Variants in ERBB4 observed in about 807,000 individuals in gnomAD.
ERBB4 encodes the protein erb-b2 receptor tyrosine kinase 4, also known as receptor tyrosine-protein kinase erbB-4.
In ERBB4, 42 loss-of-function variants were observed where a neutral mutation model predicts 158.0. That is an observed-to-expected ratio of 0.27 (90% confidence interval 0.21 to 0.34). ERBB4 has a LOEUF of 0.34. ERBB4 is among the 10% of genes least tolerant of loss of function. The pLI is 1.00. For missense variants in ERBB4, 1,333 were observed against 1,624.1 expected, an observed-to-expected ratio of 0.82 and a Z score of 3.08; for synonymous variants, 583 against 558.7, an observed-to-expected ratio of 1.04 and a Z score of -0.61.
In ERBB4 at chr2:212,348,804, C is replaced by T. The variant is rs182425654; in HGVS notation, c.82+189645G>A. Among the ~76,000 whole-genome samples the T allele has an allele frequency of 5.9e-5, 9 of 152,138 alleles. No individual in the cohort carries two copies. The East Asian group carries it at 9.7e-4, about 16-fold the overall frequency. ...CTAAGCAAAACCTGCTTTTAAAAAACGATTCAAAACCTGCTCATAATAAAA... is the reference window on the plus strand; with the variant it reads ...CTAAGCAAAACCTGCTTTTAAAAAATGATTCAAAACCTGCTCATAATAAAA... On this transcript the variant is annotated intron_variant, in intron 1 of 27. Transcript: ENST00000342788.
chr2:211,589,007 A>T (rs2068377905), intron 19 of ERBB4, among the ~76,000 whole-genome samples: 1 of 152,206 alleles, frequency 6.6e-6, no homozygotes, highest in African/African-American at 2.4e-5. Context: ...TGTGGAAAAT[A>T]CAAGAAGAAA....
intron 2 of ERBB4, among the ~76,000 whole-genome samples, chr2:211,990,572 G>C: frequency 6.6e-6 from 1 of 151,572 alleles, no homozygotes; most frequent in Non-Finnish European, 1.5e-5. Context: ...CATTCAGGCA[G>C]TTCCCAATTT....
At chr2:211,637,610 T>G (rs552039461) in intron 16 of ERBB4, among the ~76,000 whole-genome samples, 1 of 152,028 alleles carries the variant, frequency 6.6e-6, no homozygotes, top group East Asian at 1.9e-4. Flanking sequence ...TTTAAATCAT[T>G]TAGCTCCACT....
chr2:211,842,663 T>C (rs894979764), intron 3 of ERBB4, among the ~76,000 whole-genome samples: 1 of 152,020 alleles, frequency 6.6e-6, no homozygotes, highest in Non-Finnish European at 1.5e-5. Flanking sequence ...TCTTTGAAAT[T>C]AGAAATATCA....
chr2:212,027,958 A>G (rs1411497503), intron 2 of ERBB4, among the ~76,000 whole-genome samples: 1 of 152,134 alleles, frequency 6.6e-6, no homozygotes, highest in Non-Finnish European at 1.5e-5. Context: ...ACTCATAATC[A>G]TAAAAATCTA....
chr2:212,424,140 A>C (rs980439951), intron 1 of ERBB4, among the ~76,000 whole-genome samples: 2 of 152,112 alleles, frequency 1.3e-5, no homozygotes, highest in South Asian at 2.1e-4. Context: ...CCTTGGGGCT[A>C]ATACAAAGTT....
At chr2:212,235,094 T>C (rs904752699) in intron 1 of ERBB4, among the ~76,000 whole-genome samples, 1 of 152,124 alleles carries the variant, frequency 6.6e-6, no homozygotes, top group South Asian at 2.1e-4. Context: ...TCTTCTAGGG[T>C]TTTTATGGTT....
chr2:212,404,894 CAT>C (rs574647959), intron 1 of ERBB4, among the ~76,000 whole-genome samples: 32 of 152,200 alleles, frequency 2.1e-4, no homozygotes, highest in Admixed American at 1.2e-3. Flanking sequence ...TAAGTGAAAA[CAT>C]GTGGTATTTG....
intron 1 of ERBB4, among the ~76,000 whole-genome samples, chr2:212,307,040 T>C (rs573060630): frequency 6.6e-6 from 1 of 151,396 alleles, no homozygotes; most frequent in African/African-American, 2.4e-5. Flanking sequence ...CATTAAATTA[T>C]TGAGTAAGAG....
At chr2:211,594,503 C>T (rs2068574104) in intron 19 of ERBB4, among the ~76,000 whole-genome samples, 1 of 151,346 alleles carries the variant, frequency 6.6e-6, no homozygotes, top group African/African-American at 2.4e-5. Flanking sequence ...ATTTTGTAGA[C>T]CATTCAGAAA....
At chr2:212,323,955 C>T (rs892358937) in intron 1 of ERBB4, among the ~76,000 whole-genome samples, 3 of 150,564 alleles carry the variant, frequency 2.0e-5, no homozygotes, top group South Asian at 2.1e-4. Context: ...CCACACCTCA[C>T]GCCTTAGTTT....
intron 3 of ERBB4, among the ~76,000 whole-genome samples, chr2:211,945,574 C>G (rs1439144043): frequency 6.6e-6 from 1 of 152,028 alleles, no homozygotes; most frequent in East Asian, 1.9e-4. Flanking sequence ...CTCACAGCTT[C>G]TAGGCAAAGT....
At chr2:212,362,312 G>A (rs537717364) in intron 1 of ERBB4, among the ~76,000 whole-genome samples, 60 of 151,286 alleles carry the variant, frequency 4.0e-4, no homozygotes, top group African/African-American at 1.2e-3. Flanking sequence ...CCAAATTAGC[G>A]GCTAATTTTA....
intron 19 of ERBB4, among the ~76,000 whole-genome samples, chr2:211,604,480 G>A (rs769398365): frequency 6.8e-6 from 1 of 146,540 alleles, no homozygotes; most frequent in South Asian, 2.2e-4. Flanking sequence ...AAGGTCCCTT[G>A]TCCCTGAATA....
intron 1 of ERBB4, among the ~76,000 whole-genome samples, chr2:212,219,523 C>T (rs2083219597): frequency 6.6e-6 from 1 of 151,282 alleles, no homozygotes; most frequent in South Asian, 2.1e-4. Context: ...TCCAAACAGT[C>T]CAATTTTTGG....
intron 1 of ERBB4, among the ~76,000 whole-genome samples, chr2:212,164,454 A>G (rs561499277): frequency 1.3e-5 from 2 of 152,144 alleles, no homozygotes; most frequent in East Asian, 3.9e-4. Context: ...ATTTCTAATG[A>G]AAGTGCTAAT....
chr2:211,571,590 T>C lies in ERBB4; in HGVS notation c.2302-9502A>G, dbSNP rs532138485. On this transcript the variant is annotated intron_variant, in intron 19 of 27. Coordinates refer to ENST00000342788, the MANE Select transcript of ERBB4 (RefSeq NM_005235.3). ...CTAATAAGCTTATCTATAATATAAC[T>C]ATACAAAACCATGTTATAACATCTA... is the stretch of plus-strand genomic sequence containing the variant. 2.0e-5 allele frequency among the ~76,000 whole-genome samples: 3 copies of C among 152,312 alleles called. No homozygotes were observed. The South Asian group carries it at 6.2e-4, about 32-fold the overall frequency.
At chr2:211,638,248 C>T (rs1293804537) in intron 16 of ERBB4, among the ~76,000 whole-genome samples, 1 of 151,830 alleles carries the variant, frequency 6.6e-6, no homozygotes. Flanking sequence ...ACCTATTGTA[C>T]TGCTACTCTG....
intron 18 of ERBB4, among the ~76,000 whole-genome samples, chr2:211,622,172 T>C (rs1051728880): frequency 1.3e-5 from 2 of 152,198 alleles, no homozygotes; most frequent in African/African-American, 4.8e-5. Flanking sequence ...TGAGTACAGA[T>C]TAAAATTATT....
Sources: gnomAD v4.1 joint callset for allele counts (sites outside exome capture counted in the v4.1 genomes callset) on GRCh38, gnomAD v4.1.1 for gene constraint, MANE v1.5 for transcripts, NCBI Gene and HGNC (gene_info 2026-07-23, HGNC 2026-07-21) for gene names.